The following NCOA2 variants were observed in gnomAD, a reference collection of about 807,000 sequenced individuals.
The protein encoded by NCOA2 is nuclear receptor coactivator 2.
In NCOA2, 21 loss-of-function variants were observed where a neutral mutation model predicts 145.1. That is an observed-to-expected ratio of 0.14 (90% CI 0.10 to 0.21). The LOEUF is 0.21. Ranked by LOEUF, NCOA2 falls within the 10% of genes least tolerant of loss-of-function variation. The probability of loss-of-function intolerance (pLI) is 1.00; values close to 1 mark genes in which losing one functional copy is unlikely to be tolerated. For missense variants in NCOA2, 1,472 were observed against 1,837.6 expected, an observed-to-expected ratio of 0.80 and a Z score of 3.64; for synonymous variants, 619 against 637.5, an observed-to-expected ratio of 0.97 and a Z score of 0.44.
chr8:70,201,017 T>G (rs751285589), intron 4 of NCOA2, among the ~76,000 whole-genome samples: 15 of 118,318 alleles, frequency 1.3e-4, no homozygotes, highest in Non-Finnish European at 2.1e-4. Context: ...ACTACTGCAC[T>G]CCAGCCTGGG....
chr8:70,380,698 T>G (rs1210797563), intron 1 of NCOA2, among the ~76,000 whole-genome samples: 1 of 152,078 alleles, frequency 6.6e-6, no homozygotes, highest in Non-Finnish European at 1.5e-5. Flanking sequence ...AACAAAAATT[T>G]TCAAGGACTA....
intron 1 of NCOA2, among the ~76,000 whole-genome samples, chr8:70,379,773 G>C (rs1812023079): frequency 6.6e-6 from 1 of 152,064 alleles, no homozygotes; most frequent in Non-Finnish European, 1.5e-5. Context: ...AGCAAAAACA[G>C]AGTCTTGTCC....
At chr8:70,456,390 C>A in the NCOA2 span, among the ~76,000 whole-genome samples, 1 of 152,286 alleles carries the variant, frequency 6.6e-6, no homozygotes, top group East Asian at 1.9e-4. Flanking sequence ...TGGGGACCAA[C>A]CTTCTCAATG....
At chr8:70,356,932 T>G (rs985685996) in intron 1 of NCOA2, among the ~76,000 whole-genome samples, 4 of 152,244 alleles carry the variant, frequency 2.6e-5, no homozygotes, top group African/African-American at 9.6e-5. Flanking sequence ...TCTCCCTGCA[T>G]TTCATGTCTC....
intron 2 of NCOA2, among the ~76,000 whole-genome samples, chr8:70,248,134 T>C (rs1424748477): frequency 6.6e-6 from 1 of 152,242 alleles, no homozygotes; most frequent in Non-Finnish European, 1.5e-5. Flanking sequence ...TGGTTGTATA[T>C]AATGGTGGTT....
At chr8:70,424,847 T>C in the NCOA2 span, among the ~76,000 whole-genome samples, 1 of 152,320 alleles carries the variant, frequency 6.6e-6, no homozygotes, top group East Asian at 1.9e-4. Flanking sequence ...GTTGTTTCCA[T>C]CCACTTGAAG....
chr8:70,116,849 G>A (rs1165234264), intron 22 of NCOA2, among the ~76,000 whole-genome samples: 1 of 152,214 alleles, frequency 6.6e-6, no homozygotes, highest in Non-Finnish European at 1.5e-5. Context: ...AGTTGACGAG[G>A]TTATCAGTGG....
chr8:70,420,312 T>A, the NCOA2 span, among the ~76,000 whole-genome samples: 1 of 152,348 alleles, frequency 6.6e-6, no homozygotes, highest in South Asian at 2.1e-4. Context: ...ACACATTTAT[T>A]TAAACCTATT....
intron 6 of NCOA2, among the ~76,000 whole-genome samples, chr8:70,169,025 A>G (rs1813940665): frequency 6.6e-6 from 1 of 152,238 alleles, no homozygotes; most frequent in African/African-American, 2.4e-5. Flanking sequence ...TACTTATTAC[A>G]ACAATAAGAC....
chr8:70,138,635 T>C (rs912468671), intron 14 of NCOA2, among the ~76,000 whole-genome samples: 1 of 152,246 alleles, frequency 6.6e-6, no homozygotes, highest in Admixed American at 6.5e-5. Flanking sequence ...TACTGGAAAT[T>C]GAAATTGAGA....
intron 1 of NCOA2, among the ~76,000 whole-genome samples, chr8:70,309,945 C>G (rs1336072435): frequency 1.3e-5 from 2 of 151,570 alleles, no homozygotes; most frequent in African/African-American, 4.9e-5. Flanking sequence ...AGAGCAAGAC[C>G]CTGTCTCGAA....
intron 4 of NCOA2, among the ~76,000 whole-genome samples, chr8:70,208,508 G>A (rs1266449616): frequency 6.6e-6 from 1 of 152,184 alleles, no homozygotes; most frequent in African/African-American, 2.4e-5. Flanking sequence ...ACCTTCTGTT[G>A]GAAGAAGCAG....
intron 1 of NCOA2, among the ~76,000 whole-genome samples, chr8:70,359,185 G>C (rs532106732): frequency 2.6e-5 from 4 of 152,330 alleles, no homozygotes; most frequent in Admixed American, 2.6e-4. Context: ...TCCTCAAGAA[G>C]TTAAACACAG....
intron 22 of NCOA2, among the ~76,000 whole-genome samples, chr8:70,118,688 ATT>A (rs745330846): frequency 1.5e-4 from 20 of 135,784 alleles, no homozygotes; most frequent in South Asian, 2.4e-4. Flanking sequence ...CTGGGGGAGG[ATT>A]TTTTTTTTTT....
chr8:70,314,742 T>C (rs1282223206), intron 1 of NCOA2, among the ~76,000 whole-genome samples: 1 of 152,262 alleles, frequency 6.6e-6, no homozygotes, highest in East Asian at 1.9e-4. Flanking sequence ...ATATTAAAAC[T>C]GTATTATTGT....
intron 14 of NCOA2, among the ~76,000 whole-genome samples, chr8:70,139,659 T>TC (rs1810148987): frequency 7.0e-6 from 1 of 143,848 alleles, no homozygotes; most frequent in Non-Finnish European, 1.5e-5. Flanking sequence ...TTTTTTTTTT[T>TC]TTTTTTTTTT....
At chr8:70,199,632 G>A (rs1446300152) in intron 4 of NCOA2, among the ~76,000 whole-genome samples, 4 of 152,034 alleles carry the variant, frequency 2.6e-5, no homozygotes, top group African/African-American at 9.7e-5. Flanking sequence ...AAACAGGAGT[G>A]TAACTTCCTT....
chr8:70,274,500 T>C (rs1265223182), intron 2 of NCOA2, among the ~76,000 whole-genome samples: 1 of 152,202 alleles, frequency 6.6e-6, no homozygotes, highest in African/African-American at 2.4e-5. Context: ...CAGTTATTTT[T>C]TTAAACTAAT....
intron 4 of NCOA2, among the ~76,000 whole-genome samples, chr8:70,189,646 T>C (rs1816467974): frequency 1.3e-5 from 2 of 152,224 alleles, no homozygotes; most frequent in Non-Finnish European, 2.9e-5. Context: ...TAGTAGTTTA[T>C]GTTTTCTTTT....
Sources: allele counts gnomAD v4.1 joint callset (sites outside exome capture counted in the v4.1 genomes callset), GRCh38; gene constraint gnomAD v4.1.1; transcripts MANE v1.5; gene names NCBI Gene and HGNC (gene_info 2026-07-23, HGNC 2026-07-21).